BCAR3: variants seen among roughly 807,000 people sequenced by gnomAD.
BCAR3 encodes the protein breast cancer anti-estrogen resistance protein 3.
A neutral mutation model predicts 80.1 loss-of-function variants in BCAR3; 37 were observed. The ratio of observed to expected loss-of-function variants is 0.46; its 90% CI spans 0.36 to 0.61. The LOEUF (loss-of-function observed/expected upper bound fraction) is 0.61, where lower values mean the gene tolerates loss of function less well. BCAR3 is among the 20% of genes least tolerant of loss of function. BCAR3 has a pLI of 0.00. For synonymous variants in BCAR3, 389 were observed against 418.9 expected (o/e 0.93, Z 0.87); for missense variants, 978 against 1,068.2 (o/e 0.92, Z 1.18).
intron 2 of BCAR3, among the ~76,000 whole-genome samples, chr1:93,729,225 T>C (rs1012397691): frequency 3.9e-5 from 6 of 152,132 alleles, no homozygotes; most frequent in Non-Finnish European, 7.4e-5. Flanking sequence ...CTATCTTAAG[T>C]TGAAAATGCA....
At chr1:93,748,392 C>A (rs1651431177) in intron 2 of BCAR3, among the ~76,000 whole-genome samples, 1 of 152,174 alleles carries the variant, frequency 6.6e-6, no homozygotes, top group Non-Finnish European at 1.5e-5. Context: ...TTTCCTTCAC[C>A]TAACTTGATC....
At chr1:93,637,259 C>T (rs952739115) in intron 3 of BCAR3, among the ~76,000 whole-genome samples, 1 of 151,984 alleles carries the variant, frequency 6.6e-6, no homozygotes, top group African/African-American at 2.4e-5. Context: ...AACCTCCGCC[C>T]CCCAGGTTCA....
At chr1:93,759,305 G>A (rs57397759) in intron 2 of BCAR3, among the ~76,000 whole-genome samples, 17,810 of 152,200 alleles carry the variant, frequency 0.12, 1,461 homozygotes, top group African/African-American at 0.22. Flanking sequence ...AAAAAAGAGA[G>A]AGGTTTTTAA....
rs984643167 is a variant in BCAR3 at position 93,583,867 on chromosome 1, C to G, written c.1033+151G>C. ...GGTGTCTAGCTCAGTGCTTCGCCGC[C>G]GGATATAATTCTGCAAACCCATTCC... On this transcript the variant is annotated intron_variant, in intron 6 of 11. Coordinates refer to ENST00000260502, the MANE Select transcript of BCAR3 (RefSeq NM_003567.4). 11 of 705,134 alleles carry G rather than the reference C, an allele frequency of 1.6e-5. No individual in the cohort carries two copies. The East Asian group carries it at 2.2e-4, about 14-fold the overall frequency. The allele number at this position is 705,134 out of a possible 1,614,324, so 43.7% of individuals were successfully genotyped here. A position where few individuals can be genotyped will look rare whatever the true frequency, so the allele number is the denominator to read the frequency against.
In BCAR3 at chr1:93,674,876, A is replaced by G. The variant is rs751128356; in HGVS notation, c.55T>C (p.Phe19Leu). The stretch of plus-strand genomic sequence containing the variant: ...AGGTCCATGGATGAGGCCAGGGGGA[A>G]CTGGTGATTCACCGGCATGTTTCTG... ...LPRNMPVNHQ[F>L]PLASSMDLLS... The change falls in exon 2 of 12, where the codon TTC (phenylalanine) becomes CTC (leucine). Residue 19 changes from phenylalanine to leucine, a missense_variant. By Grantham distance (22) the Phe-to-Leu change is conservative (BLOSUM62 0). Transcript: ENST00000260502. 3.2e-6 allele frequency: 5 copies of G among 1,579,418 alleles called. No individual in the cohort carries two copies. The highest frequency in any genetic ancestry group is 4.3e-6 in the Non-Finnish European group (5 of 1,168,278).
intron 2 of BCAR3, among the ~76,000 whole-genome samples, chr1:93,661,490 CT>C (rs113706605): frequency 0.033 from 4,669 of 140,594 alleles, 97 homozygotes; most frequent in East Asian, 0.084. Context: ...CCCAGTGTAG[CT>C]TTTTTTTTTT....
At chr1:93,753,541 G>A (rs1651636339) in intron 2 of BCAR3, 1 of 118,910 alleles carries the variant, frequency 8.4e-6, no homozygotes. Flanking sequence ...TATGCACGCG[G>A]GTACACACAC....
chr1:93,770,936 G>C (rs990719412), intron 2 of BCAR3, among the ~76,000 whole-genome samples: 2 of 152,120 alleles, frequency 1.3e-5, no homozygotes, highest in African/African-American at 4.8e-5. Context: ...GGCTCTCAGT[G>C]GAAGCTCTGA....
intron 3 of BCAR3, among the ~76,000 whole-genome samples, chr1:93,702,370 C>A (rs1305961466): frequency 1.3e-5 from 2 of 152,186 alleles, no homozygotes; most frequent in Non-Finnish European, 2.9e-5. Context: ...TTAAAAACAA[C>A]CTCAGCCCAA....
At chr1:93,753,971 C>G (rs1289101636) in intron 2 of BCAR3, 1 of 152,292 alleles carries the variant, frequency 6.6e-6, no homozygotes, top group African/African-American at 2.4e-5. Context: ...TCACCTTTGG[C>G]AGGTGCCTGG....
chr1:93,746,453 C>T (rs1260137511), intron 2 of BCAR3, among the ~76,000 whole-genome samples: 1 of 152,160 alleles, frequency 6.6e-6, no homozygotes, highest in Non-Finnish European at 1.5e-5. Context: ...AACAGAGCTT[C>T]ATGGGTAGTT....
chr1:93,801,723 G>T (rs1489471626), intron 2 of BCAR3, among the ~76,000 whole-genome samples: 1 of 152,240 alleles, frequency 6.6e-6, no homozygotes, highest in Admixed American at 6.5e-5. Flanking sequence ...GACTTGGGAG[G>T]CCAATGCAGG....
chr1:93,845,486 AT>A (rs1571168117), intron 2 of BCAR3: 2 of 5,386 alleles, frequency 3.7e-4, no homozygotes, highest in African/African-American at 1.5e-3. Context: ...ATATATATAT[AT>A]ATATATATAT....
At chr1:93,681,424 A>G (rs1444125029) in intron 1 of BCAR3, 174 bp downstream of exon 1, 2 of 152,120 alleles carry the variant, frequency 1.3e-5, no homozygotes, top group African/African-American at 4.8e-5. Context: ...CCCGCCCCCA[A>G]CGCCAAATCC....
intron 2 of BCAR3, among the ~76,000 whole-genome samples, chr1:93,647,392 T>A (rs1047056041): frequency 5.9e-5 from 9 of 152,158 alleles, no homozygotes; most frequent in Non-Finnish European, 1.2e-4. Flanking sequence ...AAAAAAGAGT[T>A]CCTGAGACCA....
intron 3 of BCAR3, among the ~76,000 whole-genome samples, chr1:93,595,837 A>T (rs895274888): frequency 1.3e-5 from 2 of 152,230 alleles, no homozygotes; most frequent in African/African-American, 4.8e-5. Flanking sequence ...GCTTCATAGC[A>T]CTGGTCATGC....
At chr1:93,749,147 G>GGT (rs57871721) in intron 2 of BCAR3, among the ~76,000 whole-genome samples, 30,152 of 150,462 alleles carry the variant, frequency 0.2, 3,506 homozygotes, top group East Asian at 0.34. Flanking sequence ...AACAAATAAT[G>GGT]GTGTGTGTGT....
intron 3 of BCAR3, chr1:93,600,643 T>C (rs2101865469): frequency 6.6e-6 from 1 of 152,332 alleles, no homozygotes; most frequent in Non-Finnish European, 1.5e-5. Flanking sequence ...CTTGCTAACA[T>C]GTTCTGACGC....
chr1:93,635,042 C>T (rs562985885), intron 3 of BCAR3, among the ~76,000 whole-genome samples: 1 of 152,180 alleles, frequency 6.6e-6, no homozygotes, highest in African/African-American at 2.4e-5. Flanking sequence ...CCCAAGCACA[C>T]AGGGAGACCC....
Sources: allele counts gnomAD v4.1 joint callset (sites outside exome capture counted in the v4.1 genomes callset), GRCh38; gene constraint gnomAD v4.1.1; transcripts MANE v1.5; gene names NCBI Gene and HGNC (gene_info 2026-07-23, HGNC 2026-07-21).